CCL22: variants seen among roughly 807,000 people sequenced by gnomAD.
The protein encoded by CCL22 is C-C motif chemokine 22.
In CCL22, 7 loss-of-function variants were observed where a neutral mutation model predicts 7.6. That is an observed-to-expected ratio of 0.92 (90% CI 0.52 to 1.72). The LOEUF (loss-of-function observed/expected upper bound fraction) is 1.72. Ranked by LOEUF, CCL22 falls within the 40% of genes most tolerant of loss-of-function variation. The probability of loss-of-function intolerance (pLI) is 0.00; values close to 1 mark genes in which losing one functional copy is unlikely to be tolerated. For synonymous variants in CCL22, 55 were observed against 47.2 expected, an observed-to-expected ratio of 1.17 and a Z score of -0.68; for missense variants, 115 against 124.7, an observed-to-expected ratio of 0.92 and a Z score of 0.37.
chr16:57,359,913 G>A (rs922199173), intron 1 of CCL22, among the ~76,000 whole-genome samples: 2 of 152,166 alleles, frequency 1.3e-5, no homozygotes, highest in Admixed American at 6.5e-5. Flanking sequence ...GATTACAGGC[G>A]TGAGCCACTG....
Position 57,358,807 on chromosome 16 carries a change from A to G in CCL22, c.-10A>G. On this transcript the variant is annotated 5_prime_UTR_variant, in exon 1 of 3. Transcript: ENST00000219235. The stretch of plus-strand genomic sequence containing the variant: ...TGCAGACACCTGGGCTGAGACATAC[A>G]GGACAGAGCATGGATCGCCTACAGA... 6.2e-7 allele frequency: 1 copy of G among 1,609,342 alleles called. No individual in the cohort carries two copies. Among genetic ancestry groups the G allele is most frequent in the Non-Finnish European group, 8.5e-7 (1 of 1,175,612 alleles).
rs773097708 is a variant in CCL22, at chr16:57,360,512, T to G, written c.149T>G (p.Val50Gly). The change falls in exon 2 of 3, where the codon GTG (valine) becomes GGG (glycine). Residue 50 changes from valine to glycine, a missense_variant. Coordinates refer to ENST00000219235, the MANE Select transcript of CCL22 (RefSeq NM_002990.5). ...YVRYRLPLRV[V>G]KHFYWTSDSC... ...CGTTACCGTCTGCCCCTGCGCGTGG[T>G]GAAACACTTCTACTGGACCTCAGAC... 1 of 1,614,190 alleles carries G rather than the reference T, an allele frequency of 6.2e-7. No individual in the cohort carries two copies. The highest frequency in any genetic ancestry group is 8.5e-7 in the Non-Finnish European group (1 of 1,180,026).
rs1179425909 is a variant in CCL22 at position 57,363,750 on chromosome 16, A to T, written c.*162A>T. On this transcript the variant is annotated 3_prime_UTR_variant, in exon 3 of 3. Coordinates refer to ENST00000219235, the MANE Select transcript of CCL22 (RefSeq NM_002990.5). ...CACCCTTGGTCACCTCCGTGCTGTC[A>T]CTGCCATCTCCCCCCTGACCCCTCT... 4.6e-5 allele frequency: 28 copies of T among 612,054 alleles called. No homozygotes were observed. 37.9% of individuals were successfully genotyped at this position (612,054 alleles called of 1,614,324 possible). A position where few individuals can be genotyped will look rare whatever the true frequency, so the allele number is the denominator to read the frequency against.
In CCL22 at chr16:57,360,561, G is replaced by A; in HGVS notation, c.197+1G>A. The A allele has an allele frequency of 6.2e-7, 1 of 1,614,086 alleles. No homozygotes were observed. The highest frequency in any genetic ancestry group is 8.5e-7 in the Non-Finnish European group (1 of 1,179,976). On this transcript the variant is annotated splice_donor_variant, in intron 2 of 2. Coordinates refer to ENST00000219235, the MANE Select transcript of CCL22 (RefSeq NM_002990.5). LOFTEE classifies it high-confidence loss of function. ...ACTCCTGCCCGAGGCCTGGCGTGGT[G>A]TGAGTAGGGAGCTGGGGCCACAGGG...
chr16:57,362,625 C>T (rs979906644), intron 2 of CCL22, among the ~76,000 whole-genome samples: 6 of 152,038 alleles, frequency 3.9e-5, no homozygotes, highest in African/African-American at 7.2e-5. Flanking sequence ...TTTGGGAGGC[C>T]GAGACAGGCA....
intron 2 of CCL22, 131 bp from the exon 3 acceptor site, chr16:57,363,373 T>C (rs1902069690): frequency 3.2e-6 from 2 of 620,350 alleles, no homozygotes; most frequent in South Asian, 1.9e-5. Context: ...TAATGTCATA[T>C]GTAGTAGGTG....
upstream of CCL22, among the ~76,000 whole-genome samples, chr16:57,358,166 G>T (rs1416737849): frequency 1.3e-5 from 2 of 152,142 alleles, no homozygotes; most frequent in Non-Finnish European, 2.9e-5. Flanking sequence ...ACTGAGACAG[G>T]AGTGGGGGAG....
Position 57,363,813 on chromosome 16 carries a change from C to A in CCL22, c.*225C>A. 1.9e-6 allele frequency: 1 copy of A among 528,350 alleles called. No individual in the cohort carries two copies. Among genetic ancestry groups the A allele is most frequent in the Non-Finnish European group, 3.4e-6 (1 of 292,182 alleles). 32.7% of individuals were successfully genotyped at this position (528,350 alleles called of 1,614,324 possible). A position where few individuals can be genotyped will look rare whatever the true frequency, so the allele number is the denominator to read the frequency against. ...GCCTCCCTCCCTGCAGTCAGAGGGTCCTGTTCCCATCAGCGATTCCCCTGC... is the reference window on the plus strand; with the variant it reads ...GCCTCCCTCCCTGCAGTCAGAGGGTACTGTTCCCATCAGCGATTCCCCTGC... On this transcript the variant is annotated 3_prime_UTR_variant, in exon 3 of 3. Coordinates refer to ENST00000219235, the MANE Select transcript of CCL22 (RefSeq NM_002990.5).
intron 1 of CCL22, among the ~76,000 whole-genome samples, chr16:57,359,206 G>T (rs1284820145): frequency 6.6e-6 from 1 of 152,144 alleles, no homozygotes; most frequent in Non-Finnish European, 1.5e-5. Context: ...CTAAGGGTCA[G>T]GTCTGAGTGG....
rs539407333 is a variant in CCL22 at position 57,359,373 on chromosome 16, T to C, written c.73+484T>C. On this transcript the variant is annotated intron_variant, in intron 1 of 2. Coordinates refer to ENST00000219235, the MANE Select transcript of CCL22 (RefSeq NM_002990.5). Reference sequence around the variant, plus strand: ...TCTTGTTGCCCAGGATGGAGTGCAGTGGGGCAATCTTGGCCCACTGCAACC... The same window carrying C: ...TCTTGTTGCCCAGGATGGAGTGCAGCGGGGCAATCTTGGCCCACTGCAACC... Among the ~76,000 whole-genome samples, 462 of 152,250 alleles carry C rather than the reference T, an allele frequency of 3.0e-3. 1 individual carries two copies. The highest frequency in any genetic ancestry group is 0.011 in the African/African-American group (451 of 41,542).
In CCL22 at chr16:57,358,870, G is replaced by T. The variant is rs752077614; in HGVS notation, c.54G>T (p.Ala18=). The stretch of plus-strand genomic sequence containing the variant: ...TTGTCCTCGTCCTCCTTGCTGTGGC[G>T]CTTCAAGCAACTGAGGCAGGTGAGG... ...LLVVLVLLAV[A]LQATEAGPYG... is the part of the protein sequence containing the mutation. Residue 18 remains alanine, a synonymous_variant, in exon 1 of 3, where the codon GCG becomes GCT. Transcript: ENST00000219235. 1 of 1,613,612 alleles carries T rather than the reference G, an allele frequency of 6.2e-7. No individual in the cohort carries two copies. Among genetic ancestry groups the T allele is most frequent in the Non-Finnish European group, 8.5e-7 (1 of 1,179,856 alleles).
At chr16:57,361,360 T>C (rs146559853) in intron 2 of CCL22, among the ~76,000 whole-genome samples, 2 of 151,850 alleles carry the variant, frequency 1.3e-5, no homozygotes, top group East Asian at 3.9e-4. Context: ...AAGAATAACA[T>C]TAAGAGCTAA....
In CCL22 at chr16:57,363,606, C is replaced by T; in HGVS notation, c.*18C>T. 1.9e-6 allele frequency: 3 copies of T among 1,575,804 alleles called. No homozygotes were observed. Among genetic ancestry groups the T allele is most frequent in the Non-Finnish European group, 2.6e-6 (3 of 1,145,320 alleles). Reference sequence around the variant, plus strand: ...GCCAATGAAGAGCCTACTCTGATGACCGTGGCCTTGGCTCCTCCAGGAAGG... The same window carrying T: ...GCCAATGAAGAGCCTACTCTGATGATCGTGGCCTTGGCTCCTCCAGGAAGG... On this transcript the variant is annotated 3_prime_UTR_variant, in exon 3 of 3. Coordinates refer to ENST00000219235, the MANE Select transcript of CCL22 (RefSeq NM_002990.5).
chr16:57,360,513 G>A lies in CCL22; in HGVS notation c.150G>A (p.Val50=), dbSNP rs747105794. Residue 50 remains valine (V), a synonymous_variant, in exon 2 of 3, where the codon GTG becomes GTA. Coordinates refer to ENST00000219235, the MANE Select transcript of CCL22 (RefSeq NM_002990.5). ...GTTACCGTCTGCCCCTGCGCGTGGTGAAACACTTCTACTGGACCTCAGACT... is the reference window on the plus strand; with the variant it reads ...GTTACCGTCTGCCCCTGCGCGTGGTAAAACACTTCTACTGGACCTCAGACT... The part of the protein sequence containing the change: ...YVRYRLPLRV[V]KHFYWTSDSC... The A allele has an allele frequency of 1.9e-6, 3 of 1,614,210 alleles. No homozygotes were observed. The East Asian group carries it at 6.7e-5, about 36-fold the overall frequency.
At position 57,358,848 on chromosome 16, in the gene CCL22, T is replaced by C. The variant is rs148610512; in HGVS notation, c.32T>C (p.Val11Ala). Reference protein sequence around the residue: MDRLQTALLVVLVLLAVALQA... With the variant: MDRLQTALLVALVLLAVALQA... ...CGCCTACAGACTGCACTCCTGGTTG[T>C]CCTCGTCCTCCTTGCTGTGGCGCTT... is the stretch of plus-strand genomic sequence containing the variant. Residue 11 changes from valine to alanine, a missense_variant, in exon 1 of 3, where the codon GTC becomes GCC. By Grantham distance (64) the Val-to-Ala change is moderately conservative. Coordinates refer to ENST00000219235, the MANE Select transcript of CCL22 (RefSeq NM_002990.5). 1.2e-6 allele frequency: 2 copies of C among 1,613,912 alleles called. No homozygotes were observed. Among genetic ancestry groups the C allele is most frequent in the Non-Finnish European group, 1.7e-6 (2 of 1,179,940 alleles).
intron 2 of CCL22, among the ~76,000 whole-genome samples, chr16:57,361,475 T>A (rs1022547801): frequency 8.5e-5 from 13 of 152,276 alleles, no homozygotes; most frequent in African/African-American, 3.1e-4. Context: ...ACGATTCCCA[T>A]GGTAGAGATG....
intron 1 of CCL22, among the ~76,000 whole-genome samples, chr16:57,360,114 C>A (rs773340011): frequency 6.6e-5 from 10 of 152,146 alleles, no homozygotes; most frequent in Non-Finnish European, 1.0e-4. Flanking sequence ...CATTAAAGAC[C>A]CTCTGAAGCT....
chr16:57,360,550 C>T lies in CCL22; in HGVS notation c.187C>T (p.Pro63Ser). The T allele has an allele frequency of 1.2e-6, 2 of 1,614,152 alleles. No homozygotes were observed. The highest frequency in any genetic ancestry group is 1.7e-6 in the Non-Finnish European group (2 of 1,180,018). Residue 63 changes from proline (P) to serine (S), a missense_variant, in exon 2 of 3, where the codon CCT (proline) becomes TCT (serine). Pro to Ser is a moderately conservative substitution (Grantham distance 74, BLOSUM62 -1). Coordinates refer to ENST00000219235, the MANE Select transcript of CCL22 (RefSeq NM_002990.5). ...CTGGACCTCAGACTCCTGCCCGAGGCCTGGCGTGGTGTGAGTAGGGAGCTG... is the reference window on the plus strand; with the variant it reads ...CTGGACCTCAGACTCCTGCCCGAGGTCTGGCGTGGTGTGAGTAGGGAGCTG... The part of the protein sequence containing the change: ...FYWTSDSCPR[P>S]GVVLLTFRDK...
intron 2 of CCL22, 140 bp from the exon 3 acceptor site, chr16:57,363,364 A>C: frequency 1.7e-6 from 1 of 604,558 alleles, no homozygotes; most frequent in African/African-American, 1.9e-5. Flanking sequence ...TTTAGCAGAT[A>C]ATGTCATATG....
Sources: gnomAD v4.1 joint callset for allele counts (sites outside exome capture counted in the v4.1 genomes callset) on GRCh38, gnomAD v4.1.1 for gene constraint, MANE v1.5 for transcripts, NCBI Gene and HGNC (gene_info 2026-07-23, HGNC 2026-07-21) for gene names.